The following CD96 variants were observed in gnomAD, a reference collection of about 807,000 sequenced individuals.
CD96 encodes T-cell surface protein tactile.
Under a neutral mutation model 71.3 loss-of-function variants are expected in CD96, and 70 were observed. The ratio of observed to expected loss-of-function variants is 0.98; its 90% confidence interval spans 0.81 to 1.20. The LOEUF (loss-of-function observed/expected upper bound fraction) is 1.20, where lower values mean the gene tolerates loss of function less well. CD96 is among the 50% of genes most tolerant of loss of function. The pLI is 0.00. For synonymous variants in CD96, 248 were observed against 233.0 expected (o/e 1.06, Z -0.59); for missense variants, 742 against 677.5 (o/e 1.10, Z -1.06).
Position 111,544,869 on chromosome 3 carries a change from T to C in CD96, c.62-177T>C, listed in dbSNP as rs560930706. 3.0e-4 allele frequency among the ~76,000 whole-genome samples: 46 copies of C among 152,346 alleles called. No homozygotes were observed. The South Asian group carries it at 7.0e-3, about 23-fold the overall frequency. On this transcript the variant is annotated intron_variant, in intron 1 of 13. Transcript: ENST00000352690. Reference sequence around the variant, plus strand: ...TTCTCTACGTAAATGCCTCCTCATTTATATTGTCTCATGCATCTCTATCTG... The same window carrying C: ...TTCTCTACGTAAATGCCTCCTCATTCATATTGTCTCATGCATCTCTATCTG...
At chr3:111,567,408 T>C in intron 2 of CD96, 115 bp from the exon 3 acceptor site, 1 of 801,426 alleles carries the variant, frequency 1.2e-6, no homozygotes, top group East Asian at 2.6e-5. Flanking sequence ...TTTTCATAGG[T>C]GTACCCTGAG....
intron 5 of CD96, among the ~76,000 whole-genome samples, chr3:111,596,879 G>A (rs780138044): frequency 4.6e-5 from 7 of 152,162 alleles, no homozygotes; most frequent in African/African-American, 7.2e-5. Flanking sequence ...TGGGAGCTAC[G>A]GTGTTTGCCA....
intron 14 of CD96, among the ~76,000 whole-genome samples, chr3:111,664,586 C>G (rs1191455560): frequency 6.6e-6 from 1 of 152,178 alleles, no homozygotes; most frequent in Non-Finnish European, 1.5e-5. Context: ...ATGAAAAGAT[C>G]TGTACCCCAA....
chr3:111,574,342 C>A (rs922073125), intron 3 of CD96, among the ~76,000 whole-genome samples: 1 of 152,180 alleles, frequency 6.6e-6, no homozygotes, highest in African/African-American at 2.4e-5. Context: ...TTCAATGGAT[C>A]ATTTCAGATT....
At chr3:111,573,687 T>C (rs1936091892) in intron 3 of CD96, among the ~76,000 whole-genome samples, 1 of 144,884 alleles carries the variant, frequency 6.9e-6, no homozygotes, top group Non-Finnish European at 1.6e-5. Flanking sequence ...TCAATATTAG[T>C]GACAAAAGCA....
intron 3 of CD96, among the ~76,000 whole-genome samples, chr3:111,568,037 C>T (rs1329814104): frequency 2.6e-5 from 4 of 152,166 alleles, no homozygotes; most frequent in Non-Finnish European, 4.4e-5. Context: ...TCCAAAAACA[C>T]TTATTACTAC....
intron 12 of CD96, among the ~76,000 whole-genome samples, chr3:111,645,053 C>T (rs1439576370): frequency 6.6e-6 from 1 of 152,148 alleles, no homozygotes; most frequent in Non-Finnish European, 1.5e-5. Context: ...GAAAAAGATA[C>T]TTGCACATGT....
chr3:111,614,286 C>T (rs985152555), intron 8 of CD96, among the ~76,000 whole-genome samples: 1 of 152,144 alleles, frequency 6.6e-6, no homozygotes, highest in Non-Finnish European at 1.5e-5. Flanking sequence ...TTCATCCTCT[C>T]CTCCGCTCCT....
Position 111,649,753 on chromosome 3 carries a change from AT to A in CD96, c.1659del (p.Gln554LysfsTer41), listed in dbSNP as rs1939995116. ...ACCACCTCCCATCAAGTACACTTGCATTCAAGAGCCCAACGAAAGTGATCTG... is the reference window on the plus strand; with the variant it reads ...ACCACCTCCCATCAAGTACACTTGCATCAAGAGCCCAACGAAAGTGATCTG... ...PPPPPIKYTC[I>X]QEPNESDLPY... On this transcript the variant is annotated frameshift_variant, in exon 14 of 14. Coordinates refer to ENST00000352690, the MANE Select transcript of CD96 (RefSeq NM_005816.5). LOFTEE classifies it high-confidence loss of function. 6.2e-7 allele frequency: 1 copy of A among 1,613,998 alleles called. No individual in the cohort carries two copies. The highest frequency in any genetic ancestry group is 1.3e-5 in the African/African-American group (1 of 74,946).
chr3:111,640,588 C>A (rs562834990), intron 12 of CD96, among the ~76,000 whole-genome samples: 15 of 152,290 alleles, frequency 9.8e-5, no homozygotes, highest in African/African-American at 3.4e-4. Flanking sequence ...AGGAAAACTT[C>A]CCCAGCCTCG....
chr3:111,610,791 G>A (rs1352563274), intron 8 of CD96, among the ~76,000 whole-genome samples: 2 of 152,184 alleles, frequency 1.3e-5, no homozygotes, highest in Admixed American at 6.5e-5. Context: ...CACAATTCAG[G>A]AGTTTCCGTC....
chr3:111,610,363 A>G (rs552926465), intron 8 of CD96, among the ~76,000 whole-genome samples: 1 of 152,358 alleles, frequency 6.6e-6, no homozygotes, highest in Admixed American at 6.5e-5. Flanking sequence ...CTTTGAAGAA[A>G]GGAAGTGAGA....
At chr3:111,654,491 A>T (rs1017414535), downstream of CD96, among the ~76,000 whole-genome samples, 1 of 152,220 alleles carries the variant, frequency 6.6e-6, no homozygotes, top group Admixed American at 6.5e-5. Context: ...AGAAATGGGA[A>T]CAATAGAATC....
At chr3:111,574,307 G>A (rs556647489) in intron 3 of CD96, among the ~76,000 whole-genome samples, 1 of 152,124 alleles carries the variant, frequency 6.6e-6, no homozygotes, top group African/African-American at 2.4e-5. Flanking sequence ...CTTTTTTAGC[G>A]CACACATGAT....
chr3:111,646,731 A>G (rs943469404), intron 12 of CD96, among the ~76,000 whole-genome samples: 2 of 152,092 alleles, frequency 1.3e-5, no homozygotes, highest in African/African-American at 4.8e-5. Context: ...TACCCAAAGG[A>G]ATATAAATTG....
chr3:111,610,928 A>G (rs1259927778), intron 8 of CD96, among the ~76,000 whole-genome samples: 1 of 152,232 alleles, frequency 6.6e-6, no homozygotes, highest in Non-Finnish European at 1.5e-5. Context: ...ACTCATAAGT[A>G]TGGAGCGCCT....
chr3:111,609,789 A>G (rs1937814760), intron 8 of CD96, among the ~76,000 whole-genome samples: 1 of 152,224 alleles, frequency 6.6e-6, no homozygotes, highest in Non-Finnish European at 1.5e-5. Flanking sequence ...CCTCCGTAAA[A>G]CAAGGTTCCA....
chr3:111,610,393 C>T (rs1937858627), intron 8 of CD96, among the ~76,000 whole-genome samples: 1 of 152,172 alleles, frequency 6.6e-6, no homozygotes, highest in Admixed American at 6.5e-5. Flanking sequence ...TCACGGAAAC[C>T]AACTTCAAAG....
rs1171022085 is a variant in CD96, at chr3:111,626,178, G to A, written c.1321+1774G>A. On this transcript the variant is annotated intron_variant, in intron 10 of 13. Coordinates refer to ENST00000352690, the MANE Select transcript of CD96 (RefSeq NM_005816.5). ...TAGCCAGGCGTGGTGGTGGGCACCTGTAGTCCCAGCTACTCGGGAGGCTGA... is the reference window on the plus strand; with the variant it reads ...TAGCCAGGCGTGGTGGTGGGCACCTATAGTCCCAGCTACTCGGGAGGCTGA... Among the ~76,000 whole-genome samples, 8 of 152,054 alleles carry A rather than the reference G, an allele frequency of 5.3e-5. No homozygotes were observed. The East Asian group carries it at 5.8e-4, about 11-fold the overall frequency.
Sources: gnomAD v4.1 joint callset for allele counts (sites outside exome capture counted in the v4.1 genomes callset) on GRCh38, gnomAD v4.1.1 for gene constraint, MANE v1.5 for transcripts, NCBI Gene and HGNC (gene_info 2026-07-23, HGNC 2026-07-21) for gene names.